Variants in CSMD1 observed in about 807,000 individuals in gnomAD.
The protein encoded by CSMD1 is CUB and sushi domain-containing protein 1.
In CSMD1, 213 loss-of-function variants were observed where a neutral mutation model predicts 417.5. The ratio of observed to expected loss-of-function variants is 0.51; its 90% CI spans 0.46 to 0.57. CSMD1 has a LOEUF of 0.57. CSMD1 is among the 20% of genes least tolerant of loss of function. The pLI, the probability that CSMD1 is intolerant of heterozygous loss-of-function variation, is 0.00. For synonymous variants in CSMD1, 2,862 were observed against 1,736.8 expected (o/e 1.65, Z -16.11); for missense variants, 6,923 against 4,529.7 (o/e 1.53, Z -15.17).
intron 5 of CSMD1, among the ~76,000 whole-genome samples, chr8:3,956,175 C>T (rs1811933482): frequency 6.6e-6 from 1 of 152,182 alleles, no homozygotes; most frequent in Admixed American, 6.6e-5. Context: ...AAAGGTTGTA[C>T]AATTTTGGGG....
At chr8:3,266,026 G>A (rs1801405276) in intron 26 of CSMD1, among the ~76,000 whole-genome samples, 1 of 151,896 alleles carries the variant, frequency 6.6e-6, no homozygotes, top group Admixed American at 6.6e-5. Flanking sequence ...GGTTCATGAG[G>A]TAGACATGAG....
In CSMD1 at chr8:4,845,680, T is replaced by C. The variant is rs75787844; in HGVS notation, c.85+148652A>G. ...ACGGGAAAGAAAGATGTGTAATATTTTGACAAGGTCTAGGAGACAATGGTG... is the reference window on the plus strand; with the variant it reads ...ACGGGAAAGAAAGATGTGTAATATTCTGACAAGGTCTAGGAGACAATGGTG... On this transcript the variant is annotated intron_variant, in intron 1 of 69. Transcript: ENST00000635120. 7.5e-3 allele frequency among the ~76,000 whole-genome samples: 1,147 copies of C among 152,304 alleles called. 11 individuals are homozygous for C. Among genetic ancestry groups the C allele is most frequent in the African/African-American group, 0.025 (1,056 of 41,574 alleles).
intron 2 of CSMD1, among the ~76,000 whole-genome samples, chr8:4,543,891 G>C (rs879207488): frequency 1.8e-4 from 27 of 152,190 alleles, no homozygotes; most frequent in Non-Finnish European, 2.8e-4. Flanking sequence ...ATAAGATGTG[G>C]AGCGCCTTTT....
At chr8:4,953,782 T>A (rs906650645) in intron 1 of CSMD1, among the ~76,000 whole-genome samples, 3 of 152,210 alleles carry the variant, frequency 2.0e-5, no homozygotes, top group African/African-American at 7.2e-5. Context: ...TCTCTGTCTT[T>A]GGTAATTTTC....
chr8:4,542,667 G>C (rs761516169), intron 2 of CSMD1, among the ~76,000 whole-genome samples: 3 of 152,078 alleles, frequency 2.0e-5, no homozygotes, highest in Non-Finnish European at 4.4e-5. Context: ...TATCACCACT[G>C]TATCTTATGC....
intron 49 of CSMD1, among the ~76,000 whole-genome samples, chr8:3,075,992 A>G (rs1261822831): frequency 1.3e-5 from 2 of 151,510 alleles, no homozygotes; most frequent in African/African-American, 2.4e-5. Flanking sequence ...CGCAGCTTGC[A>G]GTGAGCCGAG....
At chr8:3,478,882 T>C (rs182628311) in intron 11 of CSMD1, among the ~76,000 whole-genome samples, 17 of 152,204 alleles carry the variant, frequency 1.1e-4, no homozygotes, top group Admixed American at 1.1e-3. Context: ...AGGCCCTTCG[T>C]CCCAGTAGGT....
chr8:4,157,734 TC>T (rs1200124738), intron 3 of CSMD1, among the ~76,000 whole-genome samples: 2 of 152,206 alleles, frequency 1.3e-5, no homozygotes, highest in Non-Finnish European at 2.9e-5. Flanking sequence ...GCCGTCCTTT[TC>T]CTAGGAGTCA....
Position 3,018,508 on chromosome 8 carries a change from C to G in CSMD1, c.7998G>C (p.Gly2666=), listed in dbSNP as rs779343512. The G allele has an allele frequency of 3.1e-6, 5 of 1,613,390 alleles. No homozygotes were observed. In the African/African-American group the frequency reaches 5.3e-5, roughly 17 times the overall value. ...ATCGAGTTTCGCTGCCGCTCCAGAG[C>G]CCATTTGCCAAGCACTCTCTGACAT... is the stretch of plus-strand genomic sequence containing the variant. ...GSHVRECLAN[G]LWSGSETRCL... The change falls in exon 52 of 70, where the codon GGG becomes GGC. Residue 2666 remains glycine (G), a synonymous_variant. Transcript: ENST00000635120.
intron 7 of CSMD1, among the ~76,000 whole-genome samples, chr8:3,634,447 A>G (rs776147443): frequency 5.3e-5 from 8 of 152,114 alleles, no homozygotes; most frequent in Non-Finnish European, 8.8e-5. Flanking sequence ...TTCCTGGGAG[A>G]ATTAATGCTG....
intron 3 of CSMD1, among the ~76,000 whole-genome samples, chr8:4,054,011 C>A (rs17068799): frequency 0.11 from 17,228 of 152,120 alleles, 1,503 homozygotes; most frequent in East Asian, 0.35. Flanking sequence ...TAATTGTTTT[C>A]CCCAACATGG....
At chr8:3,988,660 C>G (rs1814514692) in intron 5 of CSMD1, among the ~76,000 whole-genome samples, 1 of 152,240 alleles carries the variant, frequency 6.6e-6, no homozygotes, top group Non-Finnish European at 1.5e-5. Context: ...CAAAATTCCA[C>G]TGTTATCACA....
chr8:2,975,435 G>A (rs1004827748), intron 55 of CSMD1, among the ~76,000 whole-genome samples: 2 of 152,152 alleles, frequency 1.3e-5, no homozygotes, highest in Non-Finnish European at 2.9e-5. Flanking sequence ...AAAGGCGACT[G>A]CTTTAGTATC....
chr8:2,965,952 T>A lies in CSMD1; in HGVS notation c.9103A>T (p.Ile3035Leu). ...AGTGTGCCTGGATCCCCACAACTTA[T>A]AACTAATAAACAGGGAACAGGAAAG... is the stretch of plus-strand genomic sequence containing the variant. ...WTGTAPDCTI[I>L]SCGDPGTLAN... Residue 3035 changes from isoleucine to leucine, a missense_variant and splice_region_variant, in exon 59 of 70, where the codon ATA becomes TTA. By Grantham distance (5) the Ile-to-Leu change is conservative (BLOSUM62 2). Coordinates refer to ENST00000635120, the MANE Select transcript of CSMD1 (RefSeq NM_033225.6). 6.2e-7 allele frequency: 1 copy of A among 1,601,166 alleles called. No individual in the cohort carries two copies. Among genetic ancestry groups the A allele is most frequent in the Non-Finnish European group, 8.5e-7 (1 of 1,173,336 alleles).
chr8:3,869,649 G>C (rs138718738), intron 5 of CSMD1, among the ~76,000 whole-genome samples: 2 of 152,130 alleles, frequency 1.3e-5, no homozygotes, highest in African/African-American at 4.8e-5. Flanking sequence ...GGAAAGTTCT[G>C]CCTTTCTAGT....
intron 12 of CSMD1, among the ~76,000 whole-genome samples, chr8:3,451,569 G>A (rs1308828969): frequency 3.3e-5 from 5 of 152,178 alleles, no homozygotes; most frequent in Non-Finnish European, 7.3e-5. Context: ...TTATTAAATA[G>A]GGAATCCTTT....
intron 3 of CSMD1, among the ~76,000 whole-genome samples, chr8:4,178,792 C>A (rs1005574879): frequency 6.6e-6 from 1 of 152,132 alleles, no homozygotes; most frequent in African/African-American, 2.4e-5. Flanking sequence ...CAACAAAAGA[C>A]AAACAGCCAA....
At chr8:4,498,277 A>G (rs527610457) in intron 2 of CSMD1, among the ~76,000 whole-genome samples, 2 of 152,276 alleles carry the variant, frequency 1.3e-5, no homozygotes, top group African/African-American at 4.8e-5. Context: ...ACTTGTTTCC[A>G]AGGTTATTTG....
intron 8 of CSMD1, among the ~76,000 whole-genome samples, chr8:3,606,305 G>A (rs1229408986): frequency 6.6e-6 from 1 of 152,090 alleles, no homozygotes; most frequent in Admixed American, 6.6e-5. Flanking sequence ...CCACCCAGAT[G>A]GTGTAGCCTG....
Sources: gnomAD v4.1 joint callset for allele counts (sites outside exome capture counted in the v4.1 genomes callset) on GRCh38, gnomAD v4.1.1 for gene constraint, MANE v1.5 for transcripts, NCBI Gene and HGNC (gene_info 2026-07-23, HGNC 2026-07-21) for gene names.